The following SAXO1 variants were observed in gnomAD, a reference collection of about 807,000 sequenced individuals.
The protein encoded by SAXO1 is 4930500O09Rik.
Under a neutral mutation model 17.5 loss-of-function variants are expected in SAXO1, and 21 were observed. The observed-to-expected ratio is 1.20, with a 90% confidence interval of 0.85 to 1.72. The LOEUF is 1.72. Among genes scored for constraint, SAXO1 ranks in the 40% most tolerant of loss-of-function variants. The probability of loss-of-function intolerance (pLI) is 0.00; values close to 1 mark genes in which losing one functional copy is unlikely to be tolerated. For synonymous variants in SAXO1, 274 were observed against 216.5 expected (o/e 1.27, Z -2.33); for missense variants, 843 against 596.0 (o/e 1.41, Z -4.32).
intron 3 of SAXO1, among the ~76,000 whole-genome samples, chr9:18,931,656 A>C (rs1831055661): frequency 6.6e-6 from 1 of 152,164 alleles, no homozygotes; most frequent in Non-Finnish European, 1.5e-5. Flanking sequence ...AAACATTCTC[A>C]TTTCTCCACA....
At chr9:18,951,314 T>G (rs1405410317) in intron 1 of SAXO1, among the ~76,000 whole-genome samples, 1 of 152,114 alleles carries the variant, frequency 6.6e-6, no homozygotes, top group Non-Finnish European at 1.5e-5. Flanking sequence ...AGCCCAGGAA[T>G]TCAGGGCTTA....
intron 1 of SAXO1, among the ~76,000 whole-genome samples, chr9:18,968,598 G>GTTT (rs34092832): frequency 0.12 from 17,009 of 143,978 alleles, 3,054 homozygotes; most frequent in African/African-American, 0.39. Flanking sequence ...CCCCCTTTTT[G>GTTT]TTTTTTTTTT....
intron 2 of SAXO1, among the ~76,000 whole-genome samples, chr9:18,949,732 T>C (rs1292209413): frequency 2.0e-5 from 3 of 152,198 alleles, no homozygotes; most frequent in Admixed American, 2.0e-4. Flanking sequence ...GCAGAATGAA[T>C]TAGAATGGTT....
intron 1 of SAXO1, among the ~76,000 whole-genome samples, chr9:18,965,235 G>C (rs1402221235): frequency 6.6e-6 from 1 of 152,236 alleles, no homozygotes; most frequent in Non-Finnish European, 1.5e-5. Flanking sequence ...ATATTCTGTT[G>C]ATTTGGAGTG....
intron 1 of SAXO1, among the ~76,000 whole-genome samples, chr9:19,028,767 G>A (rs1225908778): frequency 2.0e-5 from 3 of 151,754 alleles, no homozygotes; most frequent in African/African-American, 7.3e-5. Context: ...TTTTTTTTTA[G>A]CCCAGCAAAG....
At chr9:19,027,496 C>A in intron 1 of SAXO1, 1 of 840,144 alleles carries the variant, frequency 1.2e-6, no homozygotes, top group Non-Finnish European at 2.1e-6. Context: ...GCGGATCCAA[C>A]ATCCAAAAGG....
chr9:18,947,058 C>T (rs930995376), intron 2 of SAXO1, among the ~76,000 whole-genome samples: 1 of 152,170 alleles, frequency 6.6e-6, no homozygotes. Flanking sequence ...CAAATTTACT[C>T]AGAAATACAG....
chr9:19,047,380 A>G (rs1341272133), intron 1 of SAXO1, among the ~76,000 whole-genome samples: 1 of 152,166 alleles, frequency 6.6e-6, no homozygotes, highest in Non-Finnish European at 1.5e-5. Flanking sequence ...AAAGAAAAAA[A>G]ATACATTAGA....
chr9:18,976,905 C>G (rs1007812220), intron 1 of SAXO1, among the ~76,000 whole-genome samples: 3 of 152,192 alleles, frequency 2.0e-5, no homozygotes, highest in Non-Finnish European at 2.9e-5. Flanking sequence ...TCATCAGGAA[C>G]GACCCCACAA....
upstream of SAXO1, among the ~76,000 whole-genome samples, chr9:19,035,530 C>T (rs544846418): frequency 2.6e-5 from 4 of 152,218 alleles, no homozygotes; most frequent in South Asian, 8.3e-4. Flanking sequence ...GAAAAGTTAC[C>T]CAAAAATGAG....
chr9:19,048,432 G>A (rs1486804889), intron 1 of SAXO1, among the ~76,000 whole-genome samples: 2 of 152,054 alleles, frequency 1.3e-5, no homozygotes, highest in Non-Finnish European at 2.9e-5. Context: ...ACTCCAGCCT[G>A]GGCAACAGAG....
chr9:19,041,648 A>T (rs7874720), intron 1 of SAXO1, among the ~76,000 whole-genome samples: 127,973 of 151,726 alleles, frequency 0.84, 54,250 homozygotes, highest in African/African-American at 0.92. Flanking sequence ...TCTATACATC[A>T]AAAGTTAACT....
At chr9:18,989,568 AC>A (rs1833725865) in intron 1 of SAXO1, among the ~76,000 whole-genome samples, 2 of 151,948 alleles carry the variant, frequency 1.3e-5, no homozygotes, top group Non-Finnish European at 2.9e-5. Context: ...ACACACACAC[AC>A]ACACACACAC....
chr9:19,004,906 C>A (rs1196155563), intron 1 of SAXO1, among the ~76,000 whole-genome samples: 1 of 152,028 alleles, frequency 6.6e-6, no homozygotes, highest in Non-Finnish European at 1.5e-5. Context: ...GAAAAAAATT[C>A]TAAAAACTCT....
In SAXO1 at chr9:18,929,028, C is replaced by A. The variant is rs948543479; in HGVS notation, c.449G>T (p.Arg150Met). 4 of 1,614,046 alleles carry A rather than the reference C, an allele frequency of 2.5e-6. No individual in the cohort carries two copies. Among genetic ancestry groups the A allele is most frequent in the Admixed American group, 3.3e-5 (2 of 59,996 alleles). Residue 150 changes from arginine (R) to methionine (M), a missense_variant, in exon 4 of 4, where the codon AGG becomes ATG. By Grantham distance (91) the Arg-to-Met change is moderately conservative (BLOSUM62 -1). Transcript: ENST00000380534. ...KADYLPWNQP[R>M]REPLRLEHKY... ...GTGTTCCAGACGAAGTGGCTCTCGC[C>A]TTGGTTGGTTCCAAGGCAAATAATC...
At chr9:18,999,068 T>G (rs1834135004) in intron 1 of SAXO1, among the ~76,000 whole-genome samples, 1 of 152,224 alleles carries the variant, frequency 6.6e-6, no homozygotes. Context: ...AATAACCAGC[T>G]AGCATCATAA....
At chr9:18,959,056 G>C (rs1832373851) in intron 1 of SAXO1, among the ~76,000 whole-genome samples, 2 of 152,182 alleles carry the variant, frequency 1.3e-5, no homozygotes, top group East Asian at 1.9e-4. Flanking sequence ...CTGGGAAAAA[G>C]ACATCTTATT....
chr9:19,036,814 A>G (rs113469256), upstream of SAXO1, among the ~76,000 whole-genome samples: 17,950 of 152,220 alleles, frequency 0.12, 1,115 homozygotes, highest in Admixed American at 0.14. Flanking sequence ...TGGAGCTGTG[A>G]GAAGAGGGCC....
In SAXO1 at chr9:18,957,760, C is replaced by G. The variant is rs1022517429; in HGVS notation, c.39-6823G>C. ...GGCCTTCTCAAAGAAGGATCTATGT[C>G]TCTGGAATGGTGTTTTGTCTTAACA... is the stretch of plus-strand genomic sequence containing the variant. On this transcript the variant is annotated intron_variant, in intron 1 of 3. Transcript: ENST00000380534. Among the ~76,000 whole-genome samples the G allele has an allele frequency of 9.2e-5, 14 of 152,152 alleles. No individual in the cohort carries two copies. In the East Asian group the frequency reaches 2.7e-3, roughly 29 times the overall value.
Sources: gnomAD v4.1 joint callset for allele counts (sites outside exome capture counted in the v4.1 genomes callset) on GRCh38, gnomAD v4.1.1 for gene constraint, MANE v1.5 for transcripts, NCBI Gene and HGNC (gene_info 2026-07-23, HGNC 2026-07-21) for gene names.